Variants in HIF1AN observed in about 807,000 individuals in gnomAD.
HIF1AN encodes hypoxia-inducible factor 1-alpha inhibitor.
In HIF1AN, 21 loss-of-function variants were observed where a neutral mutation model predicts 47.7. The observed-to-expected ratio is 0.44, with a 90% CI of 0.31 to 0.63. HIF1AN has a LOEUF of 0.63. HIF1AN is among the 30% of genes least tolerant of loss of function. The probability of loss-of-function intolerance (pLI) is 0.07; values close to 1 mark genes in which losing one functional copy is unlikely to be tolerated. For synonymous variants in HIF1AN, 152 were observed against 155.9 expected (o/e 0.98, Z 0.18); for missense variants, 320 against 432.7 (o/e 0.74, Z 2.31).
chr10:100,545,877 A>T (rs1169148569), intron 4 of HIF1AN, 66 bp from the exon 5 acceptor site: 1 of 1,016,268 alleles, frequency 9.8e-7, no homozygotes, highest in Non-Finnish European at 1.5e-6. Flanking sequence ...CCAAACTGGC[A>T]TATAGTAGTT....
intron 2 of HIF1AN, 89 bp downstream of exon 2, chr10:100,536,750 A>G (rs996134453): frequency 6.9e-7 from 1 of 1,442,124 alleles, no homozygotes. Flanking sequence ...GAATTGGGTC[A>G]ATTAGAGATT....
rs1843188966 is a variant in HIF1AN, at chr10:100,553,776, T to G, written c.*5639T>G. ...TACTTAACCTCTCTGAGCCTCAGTT[T>G]CCTCAACTATAATAACATGGGTGGA... is the stretch of plus-strand genomic sequence containing the variant. On this transcript the variant is annotated 3_prime_UTR_variant, in exon 8 of 8. Transcript: ENST00000299163. 1 of 152,270 alleles carries G rather than the reference T, an allele frequency of 6.6e-6. No individual in the cohort carries two copies. The highest frequency in any genetic ancestry group is 1.5e-5 in the Non-Finnish European group (1 of 68,068). 9.4% of individuals were successfully genotyped at this position (152,270 alleles called of 1,614,324 possible).
intron 5 of HIF1AN, 62 bp from the exon 6 acceptor site, chr10:100,546,456 T>TCCCCCCC: frequency 1.5e-6 from 1 of 679,322 alleles, no homozygotes; most frequent in Non-Finnish European, 2.5e-6. Context: ...CCCCCGCACT[T>TCCCCCCC]CGCCCCTCCG....
chr10:100,545,167 C>CAA, intron 4 of HIF1AN, 71 bp downstream of exon 4: 2 of 1,524,036 alleles, frequency 1.3e-6, no homozygotes, highest in Non-Finnish European at 1.8e-6. Context: ...AATGTCTTTC[C>CAA]CCTTCCCCGT....
chr10:100,536,242 C>T (rs747235942), intron 1 of HIF1AN, 107 bp downstream of exon 1: 29 of 1,312,556 alleles, frequency 2.2e-5, no homozygotes, highest in Non-Finnish European at 2.9e-5. Context: ...TAGACTAGGG[C>T]CTATGGGAAG....
At chr10:100,536,363 C>T (rs538784936) in intron 1 of HIF1AN, 48 bp from the exon 2 acceptor site, 8 of 1,601,978 alleles carry the variant, frequency 5.0e-6, no homozygotes, top group South Asian at 4.4e-5. Flanking sequence ...CCCACCGGCT[C>T]CTTGGCATTA....
At chr10:100,537,367 C>A (rs1034728690) in intron 2 of HIF1AN, among the ~76,000 whole-genome samples, 6 of 152,096 alleles carry the variant, frequency 3.9e-5, no homozygotes, top group African/African-American at 1.4e-4. Context: ...GGGGGCCAAA[C>A]AAAAATGTTT....
rs990569342 is a variant in HIF1AN at position 100,558,951 on chromosome 10, T to C, written c.*10814T>C. The C allele has an allele frequency of 1.3e-5, 2 of 152,218 alleles. No homozygotes were observed. The highest frequency in any genetic ancestry group is 4.8e-5 in the African/African-American group (2 of 41,454). The allele number at this position is 152,218 out of a possible 1,614,324, so 9.4% of individuals were successfully genotyped here. ...GTTTGTATTTTAAGTCCTTGACATA[T>C]GGAAGAGCATTTGTGAGAGTAACAG... On this transcript the variant is annotated 3_prime_UTR_variant, in exon 8 of 8. Transcript: ENST00000299163.
rs1372587762 is a variant in HIF1AN, at chr10:100,546,540, C to T, written c.853C>T (p.Leu285=). The change falls in exon 6 of 8, where the codon CTA becomes TTA. Residue 285 remains leucine, a synonymous_variant. Transcript: ENST00000299163. ...MYWWHHIESL[L]NGGITITVNF... is the part of the protein sequence containing the mutation. ...CAGGTGGCATCACATAGAGTCATTA[C>T]TAAATGGGGGGATTACCATCACTGT... 6.3e-7 allele frequency: 1 copy of T among 1,589,032 alleles called. No individual in the cohort carries two copies. The highest frequency in any genetic ancestry group is 8.6e-7 in the Non-Finnish European group (1 of 1,165,852).
intron 3 of HIF1AN, among the ~76,000 whole-genome samples, chr10:100,543,492 C>T (rs1314281464): frequency 1.3e-5 from 2 of 152,082 alleles, no homozygotes; most frequent in Non-Finnish European, 1.5e-5. Flanking sequence ...GGATTACAGA[C>T]GTGAGCCACT....
chr10:100,548,127 G>A lies in HIF1AN; in HGVS notation c.1040G>A (p.Arg347Gln), dbSNP rs1297897675. The change falls in exon 8 of 8, where the codon CGA becomes CAA. Residue 347 changes from arginine to glutamine, a missense_variant. Physicochemically the swap from Arg to Gln is conservative, Grantham distance 43. Coordinates refer to ENST00000299163, the MANE Select transcript of HIF1AN (RefSeq NM_017902.3). ...GPLLNTMIKG[R>Q]YN ...TTGTTGAACACAATGATCAAGGGCC[G>A]ATACAACTAGCCTGCCAGGGGTCAA... 1.2e-6 allele frequency: 2 copies of A among 1,610,816 alleles called. No individual in the cohort carries two copies. Among genetic ancestry groups the A allele is most frequent in the Non-Finnish European group, 1.7e-6 (2 of 1,178,298 alleles).
At chr10:100,540,552 G>A in intron 2 of HIF1AN, 82 bp from the exon 3 acceptor site, 5 of 1,504,060 alleles carry the variant, frequency 3.3e-6, no homozygotes, top group Non-Finnish European at 3.6e-6. Context: ...ATGGATTTGG[G>A]CTTGGATTTT....
rs140780017 is a variant in HIF1AN, at chr10:100,549,083, CGT to C, written c.*965_*966del. On this transcript the variant is annotated 3_prime_UTR_variant, in exon 8 of 8. Transcript: ENST00000299163. Reference sequence around the variant, plus strand: ...GTGCGTGCGTGTGTGTGTGTGTGTCCGTGTGTGTGTGTGTGTGTGTCCACACT... The same window carrying C: ...GTGCGTGCGTGTGTGTGTGTGTGTCCGTGTGTGTGTGTGTGTGTCCACACT... The C allele has an allele frequency of 0.013, 1,338 of 103,450 alleles. 12 individuals are homozygous for C. Among genetic ancestry groups the C allele is most frequent in the African/African-American group, 0.021 (690 of 33,414 alleles). The allele number at this position is 103,450 out of a possible 1,614,324, so 6.4% of individuals were successfully genotyped here. A position where few individuals can be genotyped will look rare whatever the true frequency, so the allele number is the denominator to read the frequency against.
chr10:100,541,683 T>G (rs1843035176), intron 3 of HIF1AN, among the ~76,000 whole-genome samples: 1 of 152,150 alleles, frequency 6.6e-6, no homozygotes. Flanking sequence ...GTCTTTAAGC[T>G]AGTTTCGTGT....
chr10:100,545,117 A>G (rs748619386), intron 4 of HIF1AN, 21 bp downstream of exon 4: 3 of 1,613,034 alleles, frequency 1.9e-6, no homozygotes, highest in Non-Finnish European at 2.5e-6. Flanking sequence ...GTGGTCTGAG[A>G]AGGGTATAGA....
At chr10:100,536,690 G>A (rs373686719) in intron 2 of HIF1AN, 29 bp downstream of exon 2, 104 of 1,612,270 alleles carry the variant, frequency 6.5e-5, no homozygotes, top group Non-Finnish European at 6.0e-5. Flanking sequence ...ATTTTCTGTT[G>A]GATTTAGGAC....
Position 100,556,036 on chromosome 10 carries a change from C to G in HIF1AN, c.*7899C>G, listed in dbSNP as rs141482819. 6.6e-6 allele frequency: 1 copy of G among 152,300 alleles called. No individual in the cohort carries two copies. The highest frequency in any genetic ancestry group is 2.4e-5 in the African/African-American group (1 of 41,550). 9.4% of individuals were successfully genotyped at this position (152,300 alleles called of 1,614,324 possible). On this transcript the variant is annotated 3_prime_UTR_variant, in exon 8 of 8. Transcript: ENST00000299163. Reference sequence around the variant, plus strand: ...GTCAGGGTAAGGCTTAGCAGAATGACCGGTCCATAGCAAGGGCTCAGTCTT... The same window carrying G: ...GTCAGGGTAAGGCTTAGCAGAATGAGCGGTCCATAGCAAGGGCTCAGTCTT...
At chr10:100,539,862 C>T (rs888402427) in intron 2 of HIF1AN, among the ~76,000 whole-genome samples, 18 of 152,186 alleles carry the variant, frequency 1.2e-4, no homozygotes, top group African/African-American at 4.1e-4. Flanking sequence ...ACGGAGATGT[C>T]TCAGGCTCTG....
At chr10:100,546,450 C>CCCCCA in intron 5 of HIF1AN, 68 bp from the exon 6 acceptor site, 1 of 905,876 alleles carries the variant, frequency 1.1e-6, no homozygotes. Flanking sequence ...GCCACCCCCC[C>CCCCCA]GCACTTCGCC....
Sources: allele counts gnomAD v4.1 joint callset (sites outside exome capture counted in the v4.1 genomes callset), GRCh38; gene constraint gnomAD v4.1.1; transcripts MANE v1.5; gene names NCBI Gene and HGNC (gene_info 2026-07-23, HGNC 2026-07-21).